ELAPOR2: variants seen among roughly 807,000 people sequenced by gnomAD.
ELAPOR2 encodes endosome/lysosome-associated apoptosis and autophagy regulator family member 2.
Under a neutral mutation model 120.7 loss-of-function variants are expected in ELAPOR2, and 89 were observed. The observed-to-expected ratio is 0.74, with a 90% confidence interval of 0.62 to 0.88. The LOEUF (loss-of-function observed/expected upper bound fraction) is 0.88. ELAPOR2 is among the 40% of genes least tolerant of loss of function. ELAPOR2 has a pLI of 0.00. For missense variants in ELAPOR2, 1,134 were observed against 1,251.6 expected, an observed-to-expected ratio of 0.91 and a Z score of 1.42; for synonymous variants, 444 against 444.9, an observed-to-expected ratio of 1.00 and a Z score of 0.03.
In ELAPOR2 at chr7:86,878,522, A is replaced by G. The variant is rs1007660517; in HGVS notation, c.*1949T>C. Reference sequence around the variant, plus strand: ...AGAAGCTACCTGGGAGAAAATCCCAATTATCTCTATGGCTTGGAACATACA... The same window carrying G: ...AGAAGCTACCTGGGAGAAAATCCCAGTTATCTCTATGGCTTGGAACATACA... On this transcript the variant is annotated 3_prime_UTR_variant, in exon 22 of 22. Coordinates refer to ENST00000450689, the MANE Select transcript of ELAPOR2 (RefSeq NM_001142749.3). 1 of 152,216 alleles carries G rather than the reference A, an allele frequency of 6.6e-6. No individual in the cohort carries two copies. The highest frequency in any genetic ancestry group is 1.5e-5 in the Non-Finnish European group (1 of 68,030). The allele number at this position is 152,216 out of a possible 1,614,324, so 9.4% of individuals were successfully genotyped here. A position where few individuals can be genotyped will look rare whatever the true frequency, so the allele number is the denominator to read the frequency against.
intron 21 of ELAPOR2, among the ~76,000 whole-genome samples, chr7:86,881,223 G>T (rs564978161): frequency 1.2e-3 from 182 of 152,162 alleles, no homozygotes; most frequent in African/African-American, 4.2e-3. Flanking sequence ...TTGAGACAGG[G>T]TCTCTCTCTG....
intron 1 of ELAPOR2, among the ~76,000 whole-genome samples, chr7:87,048,471 G>C (rs1206791576): frequency 6.6e-6 from 1 of 152,162 alleles, no homozygotes; most frequent in African/African-American, 2.4e-5. Context: ...ACAGTTACCA[G>C]AGTCTGGGAA....
chr7:87,001,227 G>C (rs989464763), intron 1 of ELAPOR2, among the ~76,000 whole-genome samples: 1 of 152,114 alleles, frequency 6.6e-6, no homozygotes, highest in Non-Finnish European at 1.5e-5. Context: ...GTCCCAGAGA[G>C]AGTAGAGGTG....
intron 2 of ELAPOR2, among the ~76,000 whole-genome samples, chr7:86,951,898 C>A (rs1791264560): frequency 6.6e-6 from 1 of 152,178 alleles, no homozygotes; most frequent in East Asian, 1.9e-4. Context: ...ATGTATTTTT[C>A]TCTGAAAGGC....
chr7:87,048,387 A>G (rs993678808), intron 1 of ELAPOR2, among the ~76,000 whole-genome samples: 1 of 152,210 alleles, frequency 6.6e-6, no homozygotes, highest in Non-Finnish European at 1.5e-5. Context: ...GCACAGAAAG[A>G]CACACATCAC....
At chr7:86,998,938 T>C (rs1043878397) in intron 1 of ELAPOR2, among the ~76,000 whole-genome samples, 6 of 151,908 alleles carry the variant, frequency 3.9e-5, no homozygotes, top group Non-Finnish European at 7.4e-5. Flanking sequence ...TGGCAATTAA[T>C]AGAGTTTCCA....
At chr7:86,950,047 A>C (rs753525972) in intron 2 of ELAPOR2, among the ~76,000 whole-genome samples, 4 of 152,180 alleles carry the variant, frequency 2.6e-5, no homozygotes, top group Non-Finnish European at 4.4e-5. Flanking sequence ...ACCAATCAGC[A>C]CACACTTCCT....
intron 1 of ELAPOR2, among the ~76,000 whole-genome samples, chr7:86,967,812 A>G (rs1791966306): frequency 6.6e-6 from 1 of 152,236 alleles, no homozygotes; most frequent in Non-Finnish European, 1.5e-5. Context: ...GACTCTAATT[A>G]GAAAGCTACA....
intron 20 of ELAPOR2, among the ~76,000 whole-genome samples, chr7:86,892,548 T>G (rs1279738869): frequency 2.6e-5 from 4 of 151,986 alleles, no homozygotes; most frequent in African/African-American, 9.7e-5. Context: ...CCACAAGAAA[T>G]TTTAAAAGAA....
intron 1 of ELAPOR2, among the ~76,000 whole-genome samples, chr7:87,005,911 A>T (rs1355272450): frequency 2.0e-5 from 3 of 152,192 alleles, no homozygotes; most frequent in African/African-American, 7.2e-5. Flanking sequence ...GAAGAAAGAA[A>T]GGTAAATAAG....
intron 1 of ELAPOR2, among the ~76,000 whole-genome samples, chr7:86,978,942 T>A (rs1372249930): frequency 1.3e-5 from 2 of 152,238 alleles, no homozygotes; most frequent in African/African-American, 4.8e-5. Context: ...ACACATTTCC[T>A]CAATTCTGAA....
At chr7:87,037,082 C>A (rs1794611766) in intron 1 of ELAPOR2, among the ~76,000 whole-genome samples, 1 of 152,042 alleles carries the variant, frequency 6.6e-6, no homozygotes, top group African/African-American at 2.4e-5. Context: ...TCAGTTTCAT[C>A]CTCAAATGCT....
In ELAPOR2 at chr7:86,981,797, T is replaced by C. The variant is rs184929305; in HGVS notation, c.190-16773A>G. Among the ~76,000 whole-genome samples the C allele has an allele frequency of 1.7e-4, 26 of 152,288 alleles. No homozygotes were observed. In the East Asian group the frequency reaches 2.7e-3, roughly 16 times the overall value. On this transcript the variant is annotated intron_variant, in intron 1 of 21. Coordinates refer to ENST00000450689, the MANE Select transcript of ELAPOR2 (RefSeq NM_001142749.3). ...CAACTAAGGTACCTGGTTCATCTCATTGGGACTGGTTGGACAGTGGGTGCA... is the reference window on the plus strand; with the variant it reads ...CAACTAAGGTACCTGGTTCATCTCACTGGGACTGGTTGGACAGTGGGTGCA...
intron 21 of ELAPOR2, among the ~76,000 whole-genome samples, chr7:86,888,035 C>G (rs1799773698): frequency 1.3e-5 from 2 of 151,972 alleles, no homozygotes; most frequent in Non-Finnish European, 2.9e-5. Flanking sequence ...TAGTGATAGC[C>G]CACCCAGAAG....
intron 1 of ELAPOR2, among the ~76,000 whole-genome samples, chr7:86,982,412 G>C (rs1792535675): frequency 6.6e-6 from 1 of 152,194 alleles, no homozygotes; most frequent in Non-Finnish European, 1.5e-5. Flanking sequence ...CCCAGTAGGG[G>C]CCGACTGACA....
chr7:86,903,793 A>T (rs150261022), intron 18 of ELAPOR2, among the ~76,000 whole-genome samples: 38 of 152,334 alleles, frequency 2.5e-4, no homozygotes, highest in African/African-American at 7.9e-4. Context: ...TAAACTACTC[A>T]AGCAGTTAAA....
chr7:86,956,203 G>A (rs1197384236), intron 2 of ELAPOR2, among the ~76,000 whole-genome samples: 1 of 152,060 alleles, frequency 6.6e-6, no homozygotes, highest in East Asian at 1.9e-4. Context: ...CTAAGAGTTG[G>A]CGGTGAAGTT....
intron 1 of ELAPOR2, among the ~76,000 whole-genome samples, chr7:86,987,058 T>C (rs941049288): frequency 6.6e-6 from 1 of 151,714 alleles, no homozygotes; most frequent in African/African-American, 2.4e-5. Context: ...TACAACCATC[T>C]GACCTTTGAC....
At chr7:87,034,196 A>G (rs1794508462) in intron 1 of ELAPOR2, among the ~76,000 whole-genome samples, 1 of 152,162 alleles carries the variant, frequency 6.6e-6, no homozygotes, top group Non-Finnish European at 1.5e-5. Context: ...CTGATGGTGA[A>G]AAGTATGGGC....
Sources: allele counts gnomAD v4.1 joint callset (sites outside exome capture counted in the v4.1 genomes callset), GRCh38; gene constraint gnomAD v4.1.1; transcripts MANE v1.5; gene names NCBI Gene and HGNC (gene_info 2026-07-23, HGNC 2026-07-21).